Variants in SYNJ1 observed in about 807,000 individuals in gnomAD.
The protein encoded by SYNJ1 is synaptojanin 1.
SYNJ1 carries 78 observed loss-of-function variants against 168.2 expected under a neutral mutation model. That is an observed-to-expected ratio of 0.46 (90% CI 0.39 to 0.56). SYNJ1 has a LOEUF of 0.56. Among genes scored for constraint, SYNJ1 ranks in the 20% least tolerant of loss-of-function variants. The pLI is 0.00. For missense variants in SYNJ1, 1,303 were observed against 1,597.6 expected (o/e 0.82, Z 3.14); for synonymous variants, 539 against 548.6 (o/e 0.98, Z 0.24).
rs546528758 is a variant in SYNJ1, at chr21:32,691,526, A to G, written c.789+2702T>C. 2.3e-4 allele frequency among the ~76,000 whole-genome samples: 35 copies of G among 152,356 alleles called. 2 individuals are homozygous for G. The South Asian group carries it at 7.2e-3, about 32-fold the overall frequency. ...ATAAACTGATATATACTGTAAATGT[A>G]GTATAATAATATATGATCTGAGTAT... On this transcript the variant is annotated intron_variant, in intron 6 of 32. Transcript: ENST00000674351.
At chr21:32,711,428 G>A (rs2042825394) in intron 2 of SYNJ1, among the ~76,000 whole-genome samples, 1 of 151,610 alleles carries the variant, frequency 6.6e-6, no homozygotes, top group Non-Finnish European at 1.5e-5. Context: ...CACCTCCTGT[G>A]TTCAAGCGAT....
At chr21:32,666,624 C>T in intron 15 of SYNJ1, 51 bp from the exon 16 acceptor site, 1 of 1,551,946 alleles carries the variant, frequency 6.4e-7, no homozygotes, top group Middle Eastern at 1.8e-4. Flanking sequence ...TTGACAATAG[C>T]CTATTTTATG....
chr21:32,707,105 C>A (rs2042638057), intron 2 of SYNJ1, among the ~76,000 whole-genome samples: 1 of 151,998 alleles, frequency 6.6e-6, no homozygotes, highest in Non-Finnish European at 1.5e-5. Flanking sequence ...TCTGGACCAA[C>A]CTTTAATCAT....
chr21:32,656,388 G>A (rs2040456865), intron 21 of SYNJ1, among the ~76,000 whole-genome samples: 1 of 152,178 alleles, frequency 6.6e-6, no homozygotes, highest in African/African-American at 2.4e-5. Flanking sequence ...GGGCTGCAGT[G>A]AGACATGAAC....
At chr21:32,633,679 C>A (rs1018672944) in intron 32 of SYNJ1, among the ~76,000 whole-genome samples, 3 of 152,130 alleles carry the variant, frequency 2.0e-5, no homozygotes, top group African/African-American at 7.2e-5. Flanking sequence ...AATGTAACTG[C>A]ATACTATGAA....
intron 6 of SYNJ1, 105 bp from the exon 7 acceptor site, chr21:32,688,472 G>T: frequency 2.3e-6 from 2 of 871,742 alleles, no homozygotes; most frequent in South Asian, 2.0e-5. Context: ...ACACACAGTC[G>T]TTAATCAAAT....
At position 32,681,600 on chromosome 21, in the gene SYNJ1, A is replaced by G. The variant is rs778257844; in HGVS notation, c.1249T>C (p.Leu417=). 19 of 1,613,886 alleles carry G rather than the reference A, an allele frequency of 1.2e-5. No individual in the cohort carries two copies. Among genetic ancestry groups the G allele is most frequent in the South Asian group, 4.4e-5 (4 of 91,054 alleles). ...EALGLAEKPQ[L]VTRFQEVFRS... ...AAAACTTCTTGAAAGCGAGTCACCA[A>G]CTGAGGCTTTTCAGCTAAACCAAGA... The change falls in exon 11 of 33, where the codon TTG becomes CTG. Residue 417 remains leucine, a synonymous_variant. Transcript: ENST00000674351.
chr21:32,632,395 T>G (rs996931077), intron 32 of SYNJ1, among the ~76,000 whole-genome samples: 26 of 152,044 alleles, frequency 1.7e-4, no homozygotes, highest in Non-Finnish European at 3.5e-4. Flanking sequence ...CCTCTTTTTT[T>G]TTTTTTTGGA....
chr21:32,631,558 C>T lies in SYNJ1; in HGVS notation c.*247G>A. On this transcript the variant is annotated 3_prime_UTR_variant, in exon 33 of 33. Coordinates refer to ENST00000674351, the MANE Select transcript of SYNJ1 (RefSeq NM_203446.3). ...GGGTTTGGAGAACTTCGCATATTTT[C>T]CTGGGATTGACTCCGAGCTGGAATT... 6.2e-7 allele frequency: 1 copy of T among 1,614,096 alleles called. No homozygotes were observed. Among genetic ancestry groups the T allele is most frequent in the Non-Finnish European group, 8.5e-7 (1 of 1,179,996 alleles).
chr21:32,706,466 A>G (rs1436107763), intron 2 of SYNJ1, among the ~76,000 whole-genome samples: 2 of 151,980 alleles, frequency 1.3e-5, no homozygotes, highest in South Asian at 2.1e-4. Flanking sequence ...CTATTCTTAA[A>G]AAGTCCAGAG....
intron 29 of SYNJ1, among the ~76,000 whole-genome samples, chr21:32,640,247 A>G (rs1264237996): frequency 6.6e-6 from 1 of 152,018 alleles, no homozygotes; most frequent in Non-Finnish European, 1.5e-5. Flanking sequence ...AGAGAGATAC[A>G]TACCTGAGCA....
chr21:32,651,153 A>T (rs2040256919), intron 22 of SYNJ1, among the ~76,000 whole-genome samples: 1 of 152,238 alleles, frequency 6.6e-6, no homozygotes, highest in African/African-American at 2.4e-5. Context: ...TAAAACCCAT[A>T]TTCTTATAAC....
chr21:32,680,605 A>G (rs922051308), intron 11 of SYNJ1, among the ~76,000 whole-genome samples: 3 of 152,200 alleles, frequency 2.0e-5, no homozygotes, highest in South Asian at 4.2e-4. Context: ...GACAATTATA[A>G]TTAAGTCCAT....
chr21:32,637,919 T>C (rs1305929157), intron 31 of SYNJ1, among the ~76,000 whole-genome samples: 1 of 152,244 alleles, frequency 6.6e-6, no homozygotes, highest in Non-Finnish European at 1.5e-5. Context: ...CTTAAGAAAC[T>C]GCTCACTTCT....
intron 14 of SYNJ1, 145 bp downstream of exon 14, chr21:32,673,195 C>T: frequency 1.7e-6 from 1 of 571,840 alleles, no homozygotes; most frequent in Non-Finnish European, 2.7e-6. Context: ...TAGATGTGAT[C>T]TTTAAAGATG....
chr21:32,694,347 C>A (rs1323496736), intron 5 of SYNJ1, 36 bp from the exon 6 acceptor site: 7 of 1,487,624 alleles, frequency 4.7e-6, no homozygotes, highest in Non-Finnish European at 5.4e-6. Flanking sequence ...ACTATTTCCA[C>A]AGAAAAGTTG....
At chr21:32,676,532 A>ACC (rs2041416645) in intron 12 of SYNJ1, among the ~76,000 whole-genome samples, 177 bp from the exon 13 acceptor site, 1 of 152,256 alleles carries the variant, frequency 6.6e-6, no homozygotes. Context: ...AATGATTGAT[A>ACC]CAAACCTTCT....
At chr21:32,728,051 C>G (rs2043560137), upstream of SYNJ1, 1 of 1,527,940 alleles carries the variant, frequency 6.5e-7, no homozygotes, top group African/African-American at 1.4e-5. Context: ...TGCGCCGCGG[C>G]CGGGGGCGGA....
intron 25 of SYNJ1, among the ~76,000 whole-genome samples, chr21:32,645,362 A>C (rs1247763958): frequency 2.6e-5 from 4 of 152,228 alleles, no homozygotes; most frequent in Non-Finnish European, 5.9e-5. Context: ...AACAGTTTAC[A>C]TGCCTAACTA....
Sources: allele counts gnomAD v4.1 joint callset (sites outside exome capture counted in the v4.1 genomes callset), GRCh38; gene constraint gnomAD v4.1.1; transcripts MANE v1.5; gene names NCBI Gene and HGNC (gene_info 2026-07-23, HGNC 2026-07-21).